Variants in ETV1 observed in about 807,000 individuals in gnomAD.
ETV1 encodes ETS translocation variant 1.
ETV1 carries 27 observed loss-of-function variants against 62.3 expected under a neutral mutation model. The ratio of observed to expected loss-of-function variants is 0.43; its 90% CI spans 0.32 to 0.60. ETV1 has a LOEUF of 0.60. Among genes scored for constraint, ETV1 ranks in the 20% least tolerant of loss-of-function variants. The pLI, the probability that ETV1 is intolerant of heterozygous loss-of-function variation, is 0.06. For missense variants in ETV1, 605 were observed against 605.8 expected (o/e 1.00, Z 0.01); for synonymous variants, 222 against 199.6 (o/e 1.11, Z -0.94).
chr7:13,953,485 G>C (rs1357393109), intron 6 of ETV1, among the ~76,000 whole-genome samples: 1 of 152,164 alleles, frequency 6.6e-6, no homozygotes, highest in African/African-American at 2.4e-5. Context: ...AGACTGGGAA[G>C]TGTTTGTTAT....
intron 6 of ETV1, among the ~76,000 whole-genome samples, chr7:13,941,795 G>A (rs1450494871): frequency 2.0e-5 from 3 of 151,796 alleles, no homozygotes; most frequent in East Asian, 1.9e-4. Flanking sequence ...ACTTGAACCC[G>A]CGAAGCAGAG....
intron 9 of ETV1, among the ~76,000 whole-genome samples, chr7:13,917,609 G>A (rs1042400886): frequency 2.7e-5 from 4 of 150,162 alleles, no homozygotes; most frequent in South Asian, 2.2e-4. Context: ...GAGCCACCGC[G>A]CCTGACCAAC....
At position 13,965,980 on chromosome 7, in the gene ETV1, C is replaced by T. The variant is rs542654543; in HGVS notation, c.235+11447G>A. The stretch of plus-strand genomic sequence containing the variant: ...AAACATGTGAATCATACACATAAAC[C>T]GGGCATGAACCATCCTCTACAAGCC... On this transcript the variant is annotated intron_variant, in intron 6 of 13. Transcript: ENST00000430479. Among the ~76,000 whole-genome samples, 35 of 152,138 alleles carry T rather than the reference C, an allele frequency of 2.3e-4. No individual in the cohort carries two copies. In the South Asian group the frequency reaches 6.0e-3, roughly 26 times the overall value.
intron 9 of ETV1, among the ~76,000 whole-genome samples, chr7:13,925,677 T>C (rs1785335080): frequency 6.6e-6 from 1 of 151,954 alleles, no homozygotes; most frequent in Admixed American, 6.6e-5. Flanking sequence ...ACCATTCTCC[T>C]GCCTCAGCCT....
At chr7:13,956,442 C>A (rs997022227) in intron 6 of ETV1, among the ~76,000 whole-genome samples, 13 of 152,144 alleles carry the variant, frequency 8.5e-5, no homozygotes, top group Non-Finnish European at 1.5e-4. Context: ...AGGAACCAAG[C>A]CTTGTCTGAT....
intron 9 of ETV1, among the ~76,000 whole-genome samples, chr7:13,913,959 A>T (rs1199702232): frequency 2.3e-5 from 3 of 133,188 alleles, no homozygotes; most frequent in Non-Finnish European, 4.6e-5. Context: ...ATCTCAGCTC[A>T]CTGCAAGCTC....
At chr7:13,972,153 T>C (rs1438850862) in intron 6 of ETV1, among the ~76,000 whole-genome samples, 2 of 151,804 alleles carry the variant, frequency 1.3e-5, no homozygotes, top group African/African-American at 4.8e-5. Context: ...AAATATATGA[T>C]TTAAGGCTGG....
chr7:13,938,046 A>C (rs1787014111), intron 7 of ETV1, among the ~76,000 whole-genome samples: 1 of 152,164 alleles, frequency 6.6e-6, no homozygotes, highest in Admixed American at 6.5e-5. Context: ...CCCAGGTTCA[A>C]GCGATTCTCC....
At chr7:13,902,761 TACTC>T (rs1782569531) in intron 12 of ETV1, among the ~76,000 whole-genome samples, 1 of 152,178 alleles carries the variant, frequency 6.6e-6, no homozygotes, top group African/African-American at 2.4e-5. Context: ...GAAAATAAAA[TACTC>T]ACATACTCAC....
intron 5 of ETV1, 155 bp downstream of exon 5, chr7:13,986,483 A>G: frequency 6.6e-7 from 1 of 1,508,830 alleles, no homozygotes; most frequent in Non-Finnish European, 8.8e-7. Context: ...CCCCAAAGAC[A>G]AACTCATCAG....
chr7:13,912,131 C>T (rs556818996), intron 9 of ETV1, among the ~76,000 whole-genome samples: 8 of 152,150 alleles, frequency 5.3e-5, no homozygotes, highest in Admixed American at 2.6e-4. Flanking sequence ...ACCTGGATTG[C>T]GGCTATAAAA....
chr7:13,937,275 T>A (rs2128457497), intron 7 of ETV1, among the ~76,000 whole-genome samples: 1 of 152,348 alleles, frequency 6.6e-6, no homozygotes, highest in South Asian at 2.1e-4. Context: ...GAATTGCATG[T>A]TTGGTTCCAC....
At chr7:13,957,214 T>A (rs1233897074) in intron 6 of ETV1, among the ~76,000 whole-genome samples, 2 of 152,040 alleles carry the variant, frequency 1.3e-5, no homozygotes, top group Non-Finnish European at 2.9e-5. Context: ...GCCTCCCAAG[T>A]AGCTGGGACT....
At position 13,984,785 on chromosome 7, in the gene ETV1, T is replaced by C. The variant is rs558128305; in HGVS notation, c.181+1853A>G. 2.6e-5 allele frequency among the ~76,000 whole-genome samples: 4 copies of C among 152,122 alleles called. No individual in the cohort carries two copies. In the East Asian group the frequency reaches 7.7e-4, roughly 29 times the overall value. On this transcript the variant is annotated intron_variant, in intron 5 of 13. Transcript: ENST00000430479. ...CATTTTCTAGGATTATTTTTTGTAG[T>C]GCTAAATCTTCAGGTTTGATTTACA...
At chr7:13,929,624 C>T (rs1296376901) in intron 9 of ETV1, among the ~76,000 whole-genome samples, 2 of 152,148 alleles carry the variant, frequency 1.3e-5, no homozygotes, top group African/African-American at 4.8e-5. Context: ...GAACAACTGC[C>T]CTTTAGCCAC....
At chr7:13,974,391 T>C (rs1473882942) in intron 6 of ETV1, among the ~76,000 whole-genome samples, 1 of 152,204 alleles carries the variant, frequency 6.6e-6, no homozygotes, top group Non-Finnish European at 1.5e-5. Context: ...GCTTCGGTTG[T>C]AGAAGAATTT....
intron 12 of ETV1, among the ~76,000 whole-genome samples, chr7:13,903,089 G>A (rs6461056): frequency 0.33 from 50,654 of 151,890 alleles, 8,791 homozygotes; most frequent in South Asian, 0.38. Flanking sequence ...ACATACGACC[G>A]ACCAATCGCC....
chr7:13,967,633 T>A (rs1483205994), intron 6 of ETV1, among the ~76,000 whole-genome samples: 1 of 151,998 alleles, frequency 6.6e-6, no homozygotes, highest in Non-Finnish European at 1.5e-5. Flanking sequence ...TAGGAAAAAA[T>A]TCAGTAACAG....
intron 6 of ETV1, among the ~76,000 whole-genome samples, chr7:13,950,384 G>A (rs1034170447): frequency 6.6e-6 from 1 of 152,116 alleles, no homozygotes; most frequent in African/African-American, 2.4e-5. Context: ...GAGAGAGAGA[G>A]AGATCCCAAA....
Sources: allele counts gnomAD v4.1 joint callset (sites outside exome capture counted in the v4.1 genomes callset), GRCh38; gene constraint gnomAD v4.1.1; transcripts MANE v1.5; gene names NCBI Gene and HGNC (gene_info 2026-07-23, HGNC 2026-07-21).